TMTC1: variants seen among roughly 807,000 people sequenced by gnomAD.
TMTC1 encodes the protein transmembrane O-mannosyltransferase targeting cadherins 1, also known as protein O-mannosyl-transferase TMTC1.
Under a neutral mutation model 104.8 loss-of-function variants are expected in TMTC1, and 73 were observed. That is an observed-to-expected ratio of 0.70 (90% CI 0.58 to 0.85). TMTC1 has a LOEUF of 0.85. Ranked by LOEUF, TMTC1 falls within the 40% of genes least tolerant of loss-of-function variation. The probability of loss-of-function intolerance (pLI) is 0.00; values close to 1 mark genes in which losing one functional copy is unlikely to be tolerated. For missense variants in TMTC1, 1,035 were observed against 1,096.1 expected (o/e 0.94, Z 0.79); for synonymous variants, 434 against 428.7 (o/e 1.01, Z -0.15).
intron 1 of TMTC1, among the ~76,000 whole-genome samples, chr12:29,771,518 A>G (rs913596277): frequency 6.6e-6 from 1 of 152,234 alleles, no homozygotes; most frequent in African/African-American, 2.4e-5. Flanking sequence ...TTCAGGGCCC[A>G]GAGATACAAA....
At chr12:29,643,546 C>T (rs1457695229) in intron 5 of TMTC1, among the ~76,000 whole-genome samples, 2 of 49,074 alleles carry the variant, frequency 4.1e-5, no homozygotes, top group Non-Finnish European at 7.2e-5. Flanking sequence ...ATATATATCA[C>T]ATATATGTTA....
At chr12:29,507,901 C>T (rs1047997439) in intron 17 of TMTC1, among the ~76,000 whole-genome samples, 1 of 152,198 alleles carries the variant, frequency 6.6e-6, no homozygotes, top group South Asian at 2.1e-4. Flanking sequence ...AGTTATAGCT[C>T]CCATGTGGAT....
chr12:29,518,704 A>G (rs1374491644), intron 12 of TMTC1, 97 bp from the exon 13 acceptor site: 6 of 1,452,244 alleles, frequency 4.1e-6, no homozygotes, highest in Non-Finnish European at 5.6e-6. Context: ...CTTTCTCATT[A>G]TTACAGAGTT....
chr12:29,661,044 C>A (rs895095413), intron 5 of TMTC1, among the ~76,000 whole-genome samples: 1 of 152,072 alleles, frequency 6.6e-6, no homozygotes, highest in African/African-American at 2.4e-5. Context: ...GTTCCCAGTT[C>A]TGCTGCTGCT....
intron 11 of TMTC1, among the ~76,000 whole-genome samples, chr12:29,530,456 G>A (rs944182495): frequency 6.6e-6 from 1 of 152,168 alleles, no homozygotes; most frequent in Admixed American, 6.5e-5. Context: ...ACTGCTTCTA[G>A]CTGGTCCATG....
At chr12:29,771,266 C>T (rs574202705) in intron 1 of TMTC1, among the ~76,000 whole-genome samples, 9 of 152,204 alleles carry the variant, frequency 5.9e-5, no homozygotes, top group Non-Finnish European at 1.3e-4. Context: ...CTAATTCTAA[C>T]AGGATTAGAC....
intron 11 of TMTC1, chr12:29,533,428 T>C (rs1229764359): frequency 6.6e-6 from 1 of 152,200 alleles, no homozygotes; most frequent in Non-Finnish European, 1.5e-5. Context: ...CTAGTTTCCT[T>C]TTTTGATATT....
At chr12:29,643,775 A>ATATATTTC (rs1261314123) in intron 5 of TMTC1, among the ~76,000 whole-genome samples, 1 of 43,646 alleles carries the variant, frequency 2.3e-5, no homozygotes, top group African/African-American at 9.1e-5. Context: ...ACATATATTT[A>ATATATTTC]TATATTTATA....
chr12:29,622,566 T>C (rs2136465100), intron 6 of TMTC1, among the ~76,000 whole-genome samples: 1 of 152,326 alleles, frequency 6.6e-6, no homozygotes, highest in South Asian at 2.1e-4. Context: ...ACACTCACTA[T>C]TCATAGAAAA....
intron 17 of TMTC1, among the ~76,000 whole-genome samples, chr12:29,508,509 C>T (rs1215416861): frequency 2.0e-5 from 3 of 152,156 alleles, no homozygotes; most frequent in Non-Finnish European, 4.4e-5. Flanking sequence ...ATTCTCTGAT[C>T]ACCAGGCTTC....
chr12:29,730,055 G>C (rs753828545), intron 5 of TMTC1, among the ~76,000 whole-genome samples: 119 of 152,214 alleles, frequency 7.8e-4, no homozygotes, highest in Non-Finnish European at 1.4e-3. Context: ...ATGGGGGGAA[G>C]TAAGCCACAC....
chr12:29,758,484 G>C (rs1471861512), intron 3 of TMTC1, among the ~76,000 whole-genome samples: 1 of 152,140 alleles, frequency 6.6e-6, no homozygotes, highest in African/African-American at 2.4e-5. Flanking sequence ...CCCAACACTG[G>C]GAAAGCAATC....
At chr12:29,580,296 G>C (rs908540385) in intron 8 of TMTC1, among the ~76,000 whole-genome samples, 1 of 152,104 alleles carries the variant, frequency 6.6e-6, no homozygotes, top group Non-Finnish European at 1.5e-5. Flanking sequence ...CCCAGCCTGG[G>C]TGACAGAGTG....
intron 5 of TMTC1, among the ~76,000 whole-genome samples, chr12:29,692,401 A>T (rs1941293596): frequency 6.9e-6 from 1 of 145,022 alleles, no homozygotes; most frequent in African/African-American, 2.5e-5. Context: ...TTCACCTGAA[A>T]GCTTCAAAGG....
chr12:29,590,323 A>G (rs1452090869), intron 7 of TMTC1, among the ~76,000 whole-genome samples: 1 of 152,232 alleles, frequency 6.6e-6, no homozygotes, highest in Non-Finnish European at 1.5e-5. Flanking sequence ...TGTTATTGCC[A>G]CAAGTGGCTA....
intron 7 of TMTC1, among the ~76,000 whole-genome samples, chr12:29,603,472 TG>T (rs1592306053): frequency 6.6e-6 from 1 of 152,014 alleles, no homozygotes; most frequent in East Asian, 1.9e-4. Flanking sequence ...TGAGAAAATC[TG>T]GGGGCAAAAA....
At chr12:29,638,714 G>T (rs1221496467) in intron 5 of TMTC1, among the ~76,000 whole-genome samples, 1 of 152,116 alleles carries the variant, frequency 6.6e-6, no homozygotes, top group Non-Finnish European at 1.5e-5. Flanking sequence ...CCCATGACCG[G>T]CTGGTCTGCA....
intron 2 of TMTC1, among the ~76,000 whole-genome samples, chr12:29,767,299 T>C (rs1943488656): frequency 6.6e-6 from 1 of 152,184 alleles, no homozygotes; most frequent in Non-Finnish European, 1.5e-5. Context: ...TAACTACCCT[T>C]CCTATTAAGT....
At chr12:29,742,357 A>C (rs890430915) in intron 5 of TMTC1, among the ~76,000 whole-genome samples, 17 of 152,214 alleles carry the variant, frequency 1.1e-4, no homozygotes, top group African/African-American at 3.9e-4. Flanking sequence ...ACCAAGACTT[A>C]TATAGGTTAA....
Sources: gnomAD v4.1 joint callset for allele counts (sites outside exome capture counted in the v4.1 genomes callset) on GRCh38, gnomAD v4.1.1 for gene constraint, MANE v1.5 for transcripts, NCBI Gene and HGNC (gene_info 2026-07-23, HGNC 2026-07-21) for gene names.